Variants in SLC30A8 observed in about 807,000 individuals in gnomAD.
SLC30A8 encodes the protein solute carrier family 30 member 8.
A neutral mutation model predicts 36.9 loss-of-function variants in SLC30A8; 27 were observed. The ratio of observed to expected loss-of-function variants is 0.73; its 90% CI spans 0.54 to 1.01. SLC30A8 has a LOEUF of 1.01. SLC30A8 is among the 50% of genes least tolerant of loss of function. The probability of loss-of-function intolerance (pLI) is 0.00; values close to 1 mark genes in which losing one functional copy is unlikely to be tolerated. For missense variants in SLC30A8, 439 were observed against 452.0 expected (o/e 0.97, Z 0.26); for synonymous variants, 164 against 172.4 (o/e 0.95, Z 0.38).
At chr8:116,978,755 AT>A (rs1224532534) in intron 1 of SLC30A8, among the ~76,000 whole-genome samples, 1 of 151,992 alleles carries the variant, frequency 6.6e-6, no homozygotes, top group African/African-American at 2.4e-5. Context: ...TTTTCTGGAA[AT>A]TTTCTGAGAC....
At chr8:117,126,243 GA>G (rs1264935866) in intron 2 of SLC30A8, among the ~76,000 whole-genome samples, 33 of 151,766 alleles carry the variant, frequency 2.2e-4, no homozygotes, top group African/African-American at 8.0e-4. Context: ...TTGCCTACAT[GA>G]TAACAGGCTG....
chr8:117,136,738 G>T (rs751132933), intron 1 of SLC30A8, among the ~76,000 whole-genome samples: 21 of 152,050 alleles, frequency 1.4e-4, no homozygotes, highest in Non-Finnish European at 2.4e-4. Flanking sequence ...TATCAATAGA[G>T]CATCTCCACA....
intron 1 of SLC30A8, among the ~76,000 whole-genome samples, chr8:117,022,410 C>A (rs1242254063): frequency 6.6e-6 from 1 of 151,672 alleles, no homozygotes; most frequent in Non-Finnish European, 1.5e-5. Context: ...AATGGCAGAA[C>A]AGGCAAAAAA....
chr8:117,030,944 C>T (rs555275626), intron 1 of SLC30A8, among the ~76,000 whole-genome samples: 1 of 152,264 alleles, frequency 6.6e-6, no homozygotes, highest in African/African-American at 2.4e-5. Context: ...GAGAAACAAT[C>T]TATTTAAGAT....
intron 2 of SLC30A8, among the ~76,000 whole-genome samples, chr8:117,060,964 C>T (rs934759223): frequency 2.0e-5 from 3 of 151,824 alleles, no homozygotes; most frequent in South Asian, 2.1e-4. Context: ...TCTTTCTCTA[C>T]GTTTGAGCAA....
intron 2 of SLC30A8, among the ~76,000 whole-genome samples, chr8:117,128,953 C>CAACT (rs1821023905): frequency 6.6e-6 from 1 of 151,934 alleles, no homozygotes; most frequent in Admixed American, 6.6e-5. Flanking sequence ...ACAAATATAC[C>CAACT]AACTGAATGC....
At chr8:117,068,177 A>G (rs1818225016) in intron 2 of SLC30A8, among the ~76,000 whole-genome samples, 2 of 152,116 alleles carry the variant, frequency 1.3e-5, no homozygotes, top group African/African-American at 4.8e-5. Context: ...ATTCCTACCC[A>G]TTAAGAGGAG....
chr8:117,052,114 G>T (rs759322584), intron 2 of SLC30A8, among the ~76,000 whole-genome samples: 1 of 152,084 alleles, frequency 6.6e-6, no homozygotes, highest in Admixed American at 6.5e-5. Context: ...GGGTTCAAGC[G>T]ATTCTCCTGC....
intron 2 of SLC30A8, among the ~76,000 whole-genome samples, chr8:117,114,655 C>T (rs1042483128): frequency 3.9e-5 from 6 of 152,012 alleles, no homozygotes; most frequent in Non-Finnish European, 8.8e-5. Flanking sequence ...AGCAGATTCT[C>T]ATCTAAGTGA....
intron 2 of SLC30A8, among the ~76,000 whole-genome samples, chr8:117,076,182 G>A (rs2130805435): frequency 6.6e-6 from 1 of 152,262 alleles, no homozygotes; most frequent in Admixed American, 6.5e-5. Flanking sequence ...CTGCTGTTCA[G>A]TTTTATTATA....
chr8:116,966,892 A>G (rs1267298138), intron 1 of SLC30A8, among the ~76,000 whole-genome samples: 2 of 152,238 alleles, frequency 1.3e-5, no homozygotes, highest in African/African-American at 2.4e-5. Context: ...CATTTTCTAA[A>G]CATGCATCTA....
At position 117,033,506 on chromosome 8, in the gene SLC30A8, G is replaced by T. The variant is rs79508966; in HGVS notation, c.-265-5713G>T. Among the ~76,000 whole-genome samples the T allele has an allele frequency of 6.3e-3, 958 of 152,344 alleles. 17 individuals are homozygous for T. Among genetic ancestry groups the T allele is most frequent in the African/African-American group, 0.022 (907 of 41,574 alleles). The stretch of plus-strand genomic sequence containing the variant: ...AGGAGCACTGATTAATGTGTTTGTG[G>T]TTTCCTTTAGGGGTGATGAAATGTT... On this transcript the variant is annotated intron_variant, in intron 1 of 10. Coordinates refer to the SLC30A8 transcript ENST00000427715.
intron 2 of SLC30A8, among the ~76,000 whole-genome samples, chr8:117,067,151 A>G (rs1407511583): frequency 2.0e-5 from 3 of 152,136 alleles, no homozygotes; most frequent in Non-Finnish European, 4.4e-5. Context: ...TCACAAGAAC[A>G]GCATTAGGGT....
At chr8:117,167,496 T>TATATATATATATATATATATAC (rs1403884282) in intron 6 of SLC30A8, among the ~76,000 whole-genome samples, 13 of 140,572 alleles carry the variant, frequency 9.2e-5, no homozygotes, top group African/African-American at 3.0e-4. Flanking sequence ...TATATATACA[T>TATATATATATATATATATATAC]ACATACATGT....
chr8:117,002,752 T>A (rs529568661), intron 1 of SLC30A8, among the ~76,000 whole-genome samples: 156 of 152,140 alleles, frequency 1.0e-3, no homozygotes, highest in Non-Finnish European at 1.7e-3. Context: ...CTACAGGCAC[T>A]GGCCACCATG....
At chr8:117,132,138 G>C (rs370341958), upstream of SLC30A8, among the ~76,000 whole-genome samples, 21 of 152,000 alleles carry the variant, frequency 1.4e-4, no homozygotes, top group African/African-American at 4.6e-4. Context: ...AAGTATTTCT[G>C]AAATACGAGT....
At chr8:117,100,746 A>G (rs1819678767) in intron 2 of SLC30A8, among the ~76,000 whole-genome samples, 1 of 152,206 alleles carries the variant, frequency 6.6e-6, no homozygotes, top group African/African-American at 2.4e-5. Flanking sequence ...GATACTATCA[A>G]TATTTGTTCA....
chr8:117,123,752 A>G (rs1222110451), intron 2 of SLC30A8, among the ~76,000 whole-genome samples: 1 of 152,036 alleles, frequency 6.6e-6, no homozygotes, highest in Non-Finnish European at 1.5e-5. Context: ...ACAATATGTC[A>G]TTCTTAATGT....
chr8:117,112,412 C>G (rs1371765797), intron 2 of SLC30A8, among the ~76,000 whole-genome samples: 1 of 151,964 alleles, frequency 6.6e-6, no homozygotes, highest in Non-Finnish European at 1.5e-5. Flanking sequence ...GAAGTACAGC[C>G]CCTGCCAATT....
Sources: gnomAD v4.1 joint callset for allele counts (sites outside exome capture counted in the v4.1 genomes callset) on GRCh38, gnomAD v4.1.1 for gene constraint, MANE v1.5 for transcripts, NCBI Gene and HGNC (gene_info 2026-07-23, HGNC 2026-07-21) for gene names.